The following NELL1 variants were observed in gnomAD, a reference collection of about 807,000 sequenced individuals.
NELL1 encodes neural EGFL like 1.
Under a neutral mutation model 107.4 loss-of-function variants are expected in NELL1, and 76 were observed. That is an observed-to-expected ratio of 0.71 (90% CI 0.59 to 0.86). The LOEUF is 0.86. Ranked by LOEUF, NELL1 falls within the 40% of genes least tolerant of loss-of-function variation. The probability of loss-of-function intolerance (pLI) is 0.00; values close to 1 mark genes in which losing one functional copy is unlikely to be tolerated. For synonymous variants in NELL1, 353 were observed against 341.2 expected, an observed-to-expected ratio of 1.03 and a Z score of -0.38; for missense variants, 1,024 against 1,005.5, an observed-to-expected ratio of 1.02 and a Z score of -0.25.
intron 5 of NELL1, among the ~76,000 whole-genome samples, chr11:20,890,340 C>T (rs1590384523): frequency 6.6e-6 from 1 of 152,098 alleles, no homozygotes. Context: ...AAGGCCCCCA[C>T]AAAAACCCCA....
chr11:21,253,306 T>C (rs1181769044), intron 14 of NELL1, among the ~76,000 whole-genome samples: 1 of 152,158 alleles, frequency 6.6e-6, no homozygotes, highest in Non-Finnish European at 1.5e-5. Flanking sequence ...TTTATCTGTC[T>C]GTATATACTG....
At chr11:20,716,258 G>GGGT in intron 2 of NELL1, among the ~76,000 whole-genome samples, 1 of 152,184 alleles carries the variant, frequency 6.6e-6, no homozygotes. Flanking sequence ...ATTGACCCCT[G>GGGT]GGTATATCAC....
rs1851461408 is a variant in NELL1, at chr11:20,969,890, C to T, written c.1300+9330C>T. On this transcript the variant is annotated intron_variant, in intron 12 of 19. Coordinates refer to ENST00000357134, the MANE Select transcript of NELL1 (RefSeq NM_006157.5). ...TGAATGTGAAAGCATTTTGCAAAGG[C>T]TAAAGCAGCATAGCTATGTATTGTA... Among the ~76,000 whole-genome samples the T allele has an allele frequency of 2.6e-5, 4 of 151,942 alleles. No homozygotes were observed. The South Asian group carries it at 8.3e-4, about 32-fold the overall frequency.
intron 14 of NELL1, among the ~76,000 whole-genome samples, chr11:21,317,032 T>A (rs1362108007): frequency 6.6e-6 from 1 of 152,164 alleles, no homozygotes; most frequent in East Asian, 1.9e-4. Flanking sequence ...ATATATTTCA[T>A]CTAATGTAAA....
At chr11:20,879,345 T>C (rs1015783751) in intron 4 of NELL1, among the ~76,000 whole-genome samples, 1 of 152,046 alleles carries the variant, frequency 6.6e-6, no homozygotes, top group Non-Finnish European at 1.5e-5. Context: ...TTAGAATGTA[T>C]AAAAATAATA....
intron 11 of NELL1, among the ~76,000 whole-genome samples, chr11:20,958,606 A>AT (rs1453984306): frequency 2.0e-5 from 3 of 152,350 alleles, no homozygotes; most frequent in East Asian, 3.9e-4. Context: ...CAGTAAAACT[A>AT]TTTTTTAAGT....
rs529404340 is a variant in NELL1 at position 20,878,761 on chromosome 11, T to C, written c.507-6683T>C. 1.1e-4 allele frequency among the ~76,000 whole-genome samples: 17 copies of C among 152,370 alleles called. No individual in the cohort carries two copies. The South Asian group carries it at 3.1e-3, about 28-fold the overall frequency. ...AAGCTTTGCCATAGTAGGACTTTTA[T>C]AGCTATCTGACTGTAGTTCTCCTGT... is the stretch of plus-strand genomic sequence containing the variant. On this transcript the variant is annotated intron_variant, in intron 4 of 19. Transcript: ENST00000357134.
intron 8 of NELL1, 51 bp from the exon 9 acceptor site, chr11:20,928,326 A>T (rs762763011): frequency 2.0e-6 from 3 of 1,470,298 alleles, no homozygotes; most frequent in Non-Finnish European, 2.9e-6. Flanking sequence ...CCACAACAGG[A>T]GCTATCAAAG....
At chr11:20,877,639 G>T (rs1000290013) in intron 4 of NELL1, among the ~76,000 whole-genome samples, 2 of 152,158 alleles carry the variant, frequency 1.3e-5, no homozygotes, top group African/African-American at 4.8e-5. Flanking sequence ...GTTACACCTT[G>T]GGAAGAAAAT....
At chr11:20,986,991 G>T (rs1851866772) in intron 12 of NELL1, among the ~76,000 whole-genome samples, 1 of 151,996 alleles carries the variant, frequency 6.6e-6, no homozygotes, top group Non-Finnish European at 1.5e-5. Flanking sequence ...ATATTTTAAA[G>T]AATTATTTCA....
chr11:21,404,062 T>C (rs1320110794), intron 15 of NELL1, among the ~76,000 whole-genome samples: 7 of 105,346 alleles, frequency 6.6e-5, no homozygotes, highest in African/African-American at 2.6e-4. Context: ...CGCACACCGA[T>C]TCATAAATTC....
chr11:21,206,110 AC>A (rs1857384604), intron 13 of NELL1, among the ~76,000 whole-genome samples: 1 of 152,142 alleles, frequency 6.6e-6, no homozygotes, highest in Admixed American at 6.5e-5. Flanking sequence ...ATGGCTTAAA[AC>A]AACAGAATCT....
intron 2 of NELL1, among the ~76,000 whole-genome samples, chr11:20,687,399 T>C (rs1854333421): frequency 6.6e-6 from 1 of 152,044 alleles, no homozygotes; most frequent in African/African-American, 2.4e-5. Flanking sequence ...TTTATGACTA[T>C]GTATTTTTGT....
At position 21,175,796 on chromosome 11, in the gene NELL1, T is replaced by A. The variant is rs916847295; in HGVS notation, c.1427-53536T>A. 2.6e-5 allele frequency among the ~76,000 whole-genome samples: 4 copies of A among 151,928 alleles called. 1 individual carries two copies. The highest frequency in any genetic ancestry group is 1.3e-4 in the Admixed American group (2 of 15,274). On this transcript the variant is annotated intron_variant, in intron 13 of 19. Coordinates refer to ENST00000357134, the MANE Select transcript of NELL1 (RefSeq NM_006157.5). Reference sequence around the variant, plus strand: ...ACATTTAAATTTTGGAGCCTAATTTTAAAATACCTCCTATCTGAGATGAGT... The same window carrying A: ...ACATTTAAATTTTGGAGCCTAATTTAAAAATACCTCCTATCTGAGATGAGT...
intron 2 of NELL1, among the ~76,000 whole-genome samples, chr11:20,738,831 C>A (rs180883324): frequency 6.6e-6 from 1 of 152,284 alleles, no homozygotes; most frequent in Non-Finnish European, 1.5e-5. Flanking sequence ...TCAGAGATGG[C>A]AGTGTACTTG....
chr11:20,922,261 C>G (rs1590418712), intron 7 of NELL1, among the ~76,000 whole-genome samples: 1 of 152,118 alleles, frequency 6.6e-6, no homozygotes, highest in African/African-American at 2.4e-5. Context: ...ATGTTGTTGT[C>G]TTTGGTGCTC....
At chr11:21,322,907 C>T (rs899847459) in intron 14 of NELL1, among the ~76,000 whole-genome samples, 9 of 152,078 alleles carry the variant, frequency 5.9e-5, no homozygotes, top group Non-Finnish European at 1.3e-4. Flanking sequence ...CTCCATGATG[C>T]CATTAGACCC....
intron 3 of NELL1, among the ~76,000 whole-genome samples, chr11:20,823,140 GTTTAAT>G (rs1857797248): frequency 6.6e-6 from 1 of 151,428 alleles, no homozygotes; most frequent in Non-Finnish European, 1.5e-5. Context: ...AAAGAAAGAA[GTTTAAT>G]TGGACTTACA....
intron 13 of NELL1, among the ~76,000 whole-genome samples, chr11:21,205,638 G>A (rs1590732757): frequency 6.6e-6 from 1 of 152,282 alleles, no homozygotes; most frequent in East Asian, 1.9e-4. Flanking sequence ...TGTCTTGCCG[G>A]TGTTCCAGGT....
Sources: gnomAD v4.1 joint callset for allele counts (sites outside exome capture counted in the v4.1 genomes callset) on GRCh38, gnomAD v4.1.1 for gene constraint, MANE v1.5 for transcripts, NCBI Gene and HGNC (gene_info 2026-07-23, HGNC 2026-07-21) for gene names.